Variants in SERPINI1 observed in about 807,000 individuals in gnomAD.
SERPINI1 encodes serpin family I member 1, also known as neuroserpin.
Under a neutral mutation model 41.1 loss-of-function variants are expected in SERPINI1, and 19 were observed. That is an observed-to-expected ratio of 0.46 (90% CI 0.32 to 0.68). SERPINI1 has a LOEUF of 0.68. Ranked by LOEUF, SERPINI1 falls within the 30% of genes least tolerant of loss-of-function variation. The pLI is 0.03. For missense variants in SERPINI1, 460 were observed against 479.2 expected (o/e 0.96, Z 0.37); for synonymous variants, 138 against 156.6 (o/e 0.88, Z 0.89).
At chr3:167,772,891 T>TATATATAC (rs1396624841) in intron 1 of SERPINI1, among the ~76,000 whole-genome samples, 1 of 73,692 alleles carries the variant, frequency 1.4e-5, no homozygotes, top group East Asian at 3.8e-4. Flanking sequence ...TATATATATA[T>TATATATAC]ATACACACAC....
At position 167,778,233 on chromosome 3, in the gene SERPINI1, G is replaced by A. The variant is rs1007211333; in HGVS notation, c.-18-10878G>A. Among the ~76,000 whole-genome samples the A allele has an allele frequency of 3.9e-5, 6 of 152,190 alleles. No homozygotes were observed. In the East Asian group the frequency reaches 1.2e-3, roughly 29 times the overall value. ...AAATAACCAAGAATTTTAGTCCTGT[G>A]TTACAGCCCAATGGGTTCTTCTTGC... On this transcript the variant is annotated intron_variant, in intron 1 of 8. Coordinates refer to ENST00000446050, the MANE Select transcript of SERPINI1 (RefSeq NM_001122752.2).
chr3:167,736,446 T>G (rs1197119568), intron 1 of SERPINI1, among the ~76,000 whole-genome samples: 2 of 152,224 alleles, frequency 1.3e-5, no homozygotes, highest in African/African-American at 4.8e-5. Context: ...GATAGTTAGC[T>G]TTCTTCCCAG....
In SERPINI1 at chr3:167,790,472, A is replaced by C; in HGVS notation, c.351A>C (p.Gly117=). 6.2e-7 allele frequency: 1 copy of C among 1,614,048 alleles called. No individual in the cohort carries two copies. Among genetic ancestry groups the C allele is most frequent in the Non-Finnish European group, 8.5e-7 (1 of 1,179,904 alleles). ...CCAATTCCTTGTTTGTGCAAAATGGATTTCATGTCAATGAGGAGTTTTTGC... is the reference window on the plus strand; with the variant it reads ...CCAATTCCTTGTTTGTGCAAAATGGCTTTCATGTCAATGAGGAGTTTTTGC... ...KIANSLFVQN[G]FHVNEEFLQM... Residue 117 remains glycine (G), a synonymous_variant, in exon 3 of 9, where the codon GGA becomes GGC. Coordinates refer to ENST00000446050, the MANE Select transcript of SERPINI1 (RefSeq NM_001122752.2).
chr3:167,812,509 C>A (rs781188156), intron 6 of SERPINI1, among the ~76,000 whole-genome samples: 25 of 152,180 alleles, frequency 1.6e-4, no homozygotes, highest in Admixed American at 7.2e-4. Context: ...CAGAAGTAAT[C>A]GTTCCTTCTT....
At chr3:167,744,857 A>G (rs967922499) in intron 1 of SERPINI1, among the ~76,000 whole-genome samples, 2 of 112,954 alleles carry the variant, frequency 1.8e-5, no homozygotes, top group Admixed American at 1.9e-4. Flanking sequence ...CTATAGTTAT[A>G]TATATATATA....
chr3:167,738,998 C>A (rs973579901), intron 1 of SERPINI1, among the ~76,000 whole-genome samples: 1 of 151,686 alleles, frequency 6.6e-6, no homozygotes, highest in African/African-American at 2.4e-5. Context: ...TTGAACCAGA[C>A]ACTAAGATGA....
chr3:167,777,742 G>A (rs897735144), intron 1 of SERPINI1, among the ~76,000 whole-genome samples: 4 of 152,178 alleles, frequency 2.6e-5, no homozygotes, highest in African/African-American at 4.8e-5. Flanking sequence ...TCTCTTAGTT[G>A]TTTCCAAACG....
At chr3:167,773,050 A>G (rs1437218266) in intron 1 of SERPINI1, among the ~76,000 whole-genome samples, 1 of 150,722 alleles carries the variant, frequency 6.6e-6, no homozygotes, top group African/African-American at 2.4e-5. Flanking sequence ...TAAGACAAGA[A>G]GCAAATCAGA....
chr3:167,821,769 A>G (rs1182032018), intron 6 of SERPINI1, among the ~76,000 whole-genome samples: 1 of 152,252 alleles, frequency 6.6e-6, no homozygotes, highest in Non-Finnish European at 1.5e-5. Flanking sequence ...GTGTAAATAT[A>G]CAAACATATA....
intron 1 of SERPINI1, among the ~76,000 whole-genome samples, chr3:167,785,738 T>G (rs1483379383): frequency 6.6e-6 from 1 of 152,252 alleles, no homozygotes; most frequent in Non-Finnish European, 1.5e-5. Flanking sequence ...AGATTTTGCC[T>G]TGTTTTATGG....
chr3:167,745,195 C>A (rs1386654320), intron 1 of SERPINI1, among the ~76,000 whole-genome samples: 4 of 151,544 alleles, frequency 2.6e-5, no homozygotes, highest in Non-Finnish European at 5.9e-5. Flanking sequence ...TACTAGCAAC[C>A]AAATCTGGCA....
chr3:167,820,692 A>T (rs1351097901), intron 6 of SERPINI1, among the ~76,000 whole-genome samples: 1 of 152,136 alleles, frequency 6.6e-6, no homozygotes, highest in Non-Finnish European at 1.5e-5. Context: ...CTCAGCACGG[A>T]CAGCCTGGAT....
intron 1 of SERPINI1, among the ~76,000 whole-genome samples, chr3:167,772,864 C>CTCTCTCTCTA (rs1374013676): frequency 1.5e-3 from 38 of 24,646 alleles, no homozygotes; most frequent in South Asian, 5.2e-3. Flanking sequence ...CTCTCTCTCT[C>CTCTCTCTCTA]TATATATATA....
chr3:167,753,958 C>T (rs535559498), intron 1 of SERPINI1, among the ~76,000 whole-genome samples: 13 of 152,236 alleles, frequency 8.5e-5, no homozygotes, highest in Non-Finnish European at 8.8e-5. Flanking sequence ...ATTTTAAAGG[C>T]ATTTGCTAGC....
chr3:167,764,968 G>A (rs1053910688), intron 1 of SERPINI1, among the ~76,000 whole-genome samples: 1 of 152,200 alleles, frequency 6.6e-6, no homozygotes, highest in Admixed American at 6.5e-5. Context: ...CAAGAGGTAG[G>A]TTCTCATTGT....
intron 6 of SERPINI1, among the ~76,000 whole-genome samples, chr3:167,809,842 T>C (rs1239294163): frequency 6.6e-6 from 1 of 152,092 alleles, no homozygotes; most frequent in East Asian, 1.9e-4. Context: ...TAAGGACTAT[T>C]TGCCCCCTTA....
chr3:167,759,964 T>A (rs1161791378), intron 1 of SERPINI1, among the ~76,000 whole-genome samples: 1 of 152,200 alleles, frequency 6.6e-6, no homozygotes, highest in Non-Finnish European at 1.5e-5. Flanking sequence ...AGACACTGCA[T>A]ATATGTATGT....
intron 6 of SERPINI1, among the ~76,000 whole-genome samples, chr3:167,812,509 C>T (rs781188156): frequency 2.0e-5 from 3 of 152,180 alleles, no homozygotes; most frequent in South Asian, 2.1e-4. Flanking sequence ...CAGAAGTAAT[C>T]GTTCCTTCTT....
chr3:167,789,279 T>A lies in SERPINI1; in HGVS notation c.151T>A (p.Leu51Met). ...AGATGAAAATATTCTCTTCTCTCCA[T>A]TGAGTATTGCTCTTGCAATGGGAAT... ...GEDENILFSP[L>M]SIALAMGMME... Residue 51 changes from leucine (L) to methionine (M), a missense_variant, in exon 2 of 9, where the codon TTG becomes ATG. Transcript: ENST00000446050. The A allele has an allele frequency of 2.5e-6, 4 of 1,614,168 alleles. No homozygotes were observed. Among genetic ancestry groups the A allele is most frequent in the South Asian group, 2.2e-5 (2 of 91,086 alleles).
Sources: gnomAD v4.1 joint callset for allele counts (sites outside exome capture counted in the v4.1 genomes callset) on GRCh38, gnomAD v4.1.1 for gene constraint, MANE v1.5 for transcripts, NCBI Gene and HGNC (gene_info 2026-07-23, HGNC 2026-07-21) for gene names.